The following ZFYVE1 variants were observed in gnomAD, a reference collection of about 807,000 sequenced individuals.
ZFYVE1 encodes the protein zinc finger FYVE-type containing 1.
A neutral mutation model predicts 74.4 loss-of-function variants in ZFYVE1; 30 were observed. That is an observed-to-expected ratio of 0.40 (90% CI 0.30 to 0.55). The LOEUF (loss-of-function observed/expected upper bound fraction) is 0.55. Ranked by LOEUF, ZFYVE1 falls within the 20% of genes least tolerant of loss-of-function variation. ZFYVE1 has a pLI of 0.42. For synonymous variants in ZFYVE1, 335 were observed against 385.1 expected (o/e 0.87, Z 1.52); for missense variants, 703 against 1,011.6 (o/e 0.69, Z 4.14).
rs954707998 is a variant in ZFYVE1, at chr14:72,970,043, G to A, written c.*839C>T. ...TGAGGGGGCCGAGGGGTGGGAGGCA[G>A]ATGCTTCGATTGAGGAGCTGGGTGC... On this transcript the variant is annotated 3_prime_UTR_variant, in exon 12 of 12. Transcript: ENST00000556143. 1.0e-5 allele frequency: 4 copies of A among 381,272 alleles called. No homozygotes were observed. The highest frequency in any genetic ancestry group is 2.1e-5 in the African/African-American group (1 of 48,136). 23.6% of individuals were successfully genotyped at this position (381,272 alleles called of 1,614,324 possible).
chr14:73,027,010 C>T lies in ZFYVE1; in HGVS notation c.-519G>A. 2.5e-6 allele frequency: 1 copy of T among 398,912 alleles called. No individual in the cohort carries two copies. The highest frequency in any genetic ancestry group is 3.6e-5 in the East Asian group (1 of 28,074). The allele number at this position is 398,912 out of a possible 1,614,324, so 24.7% of individuals were successfully genotyped here. A position where few individuals can be genotyped will look rare whatever the true frequency, so the allele number is the denominator to read the frequency against. ...CAGAGGCTATTCCTCAGGACACCGG[C>T]AGATCCATCCTCATCTCCATCTCCG... On this transcript the variant is annotated 5_prime_UTR_variant, in exon 1 of 12. Transcript: ENST00000556143.
At chr14:72,995,479 C>T (rs979621543) in intron 3 of ZFYVE1, among the ~76,000 whole-genome samples, 4 of 79,628 alleles carry the variant, frequency 5.0e-5, no homozygotes, top group Non-Finnish European at 9.6e-5. Flanking sequence ...GTGATCCTCC[C>T]GCCTCAATGT....
chr14:73,015,298 A>AAGGAAGGAAGGGAGGG (rs1894171008), intron 2 of ZFYVE1, among the ~76,000 whole-genome samples: 1 of 71,870 alleles, frequency 1.4e-5, no homozygotes, highest in Non-Finnish European at 2.6e-5. Flanking sequence ...GGAAGGAAAG[A>AAGGAAGGAAGGGAGGG]AGGGAGGGAG....
At chr14:73,019,845 G>A (rs1032035289) in intron 2 of ZFYVE1, among the ~76,000 whole-genome samples, 1 of 152,012 alleles carries the variant, frequency 6.6e-6, no homozygotes, top group Non-Finnish European at 1.5e-5. Context: ...CAGCTACTCG[G>A]GAGGCTGACG....
intron 4 of ZFYVE1, among the ~76,000 whole-genome samples, chr14:72,982,266 G>A (rs1327029832): frequency 6.6e-6 from 1 of 152,070 alleles, no homozygotes; most frequent in East Asian, 1.9e-4. Flanking sequence ...TCCTCTTTAA[G>A]CCACAGGCAG....
intron 2 of ZFYVE1, among the ~76,000 whole-genome samples, chr14:73,004,393 C>T (rs559174276): frequency 2.0e-5 from 3 of 151,896 alleles, no homozygotes; most frequent in South Asian, 4.2e-4. Context: ...AAAGTGGGGA[C>T]GGGGGAACAT....
intron 2 of ZFYVE1, among the ~76,000 whole-genome samples, chr14:73,023,300 ATAT>A (rs1894370916): frequency 2.0e-5 from 2 of 102,262 alleles, no homozygotes; most frequent in Admixed American, 2.1e-4. Context: ...TATATAATAT[ATAT>A]TATATATGTT....
chr14:72,991,077 C>G (rs1177602710), intron 4 of ZFYVE1, among the ~76,000 whole-genome samples: 1 of 151,882 alleles, frequency 6.6e-6, no homozygotes, highest in African/African-American at 2.4e-5. Flanking sequence ...AACTATTTTT[C>G]TCAAAGCCAG....
At chr14:72,999,191 G>C (rs1893817154) in intron 2 of ZFYVE1, among the ~76,000 whole-genome samples, 1 of 152,014 alleles carries the variant, frequency 6.6e-6, no homozygotes, top group Admixed American at 6.6e-5. Context: ...CACTTTGTGA[G>C]GCCAAGGCAG....
At chr14:73,005,395 C>T (rs554281028) in intron 2 of ZFYVE1, among the ~76,000 whole-genome samples, 6 of 152,258 alleles carry the variant, frequency 3.9e-5, no homozygotes, top group South Asian at 4.1e-4. Context: ...GCCCTGAGCT[C>T]GGCCAACTGG....
At chr14:72,994,458 T>C (rs1893698751) in intron 3 of ZFYVE1, among the ~76,000 whole-genome samples, 1 of 151,900 alleles carries the variant, frequency 6.6e-6, no homozygotes, top group South Asian at 2.1e-4. Flanking sequence ...GGAGGGCTTC[T>C]ATGAGGAGGG....
chr14:72,997,905 G>A lies in ZFYVE1; in HGVS notation c.894C>T (p.Thr298=). 6.2e-7 allele frequency: 1 copy of A among 1,614,166 alleles called. No homozygotes were observed. Among genetic ancestry groups the A allele is most frequent in the Non-Finnish European group, 8.5e-7 (1 of 1,180,012 alleles). The change falls in exon 3 of 12, where the codon ACC becomes ACT. Residue 298 remains threonine, a synonymous_variant. Coordinates refer to ENST00000556143, the MANE Select transcript of ZFYVE1 (RefSeq NM_021260.4). ...LKHFTKELKA[T]TARCGLDVPL... ...GGACATCCAGGCCACAGCGAGCAGT[G>A]GTGGCCTTGAGCTCCTTGGTGAAGT...
In ZFYVE1 at chr14:72,974,760, C is replaced by T. The variant is rs770136019; in HGVS notation, c.1987+19G>A. On this transcript the variant is annotated intron_variant, in intron 10 of 11. Coordinates refer to ENST00000556143, the MANE Select transcript of ZFYVE1 (RefSeq NM_021260.4). Reference sequence around the variant, plus strand: ...GAGGTTCTCCCCTCCACCCCTGCAGCTCCCAGGTCCCACGTTACCTAACTG... The same window carrying T: ...GAGGTTCTCCCCTCCACCCCTGCAGTTCCCAGGTCCCACGTTACCTAACTG... 1.3e-6 allele frequency: 2 copies of T among 1,583,946 alleles called. No individual in the cohort carries two copies. The highest frequency in any genetic ancestry group is 8.6e-7 in the Non-Finnish European group (1 of 1,158,402).
At chr14:72,994,321 T>TTAAAAAAAA (rs1189191352) in intron 3 of ZFYVE1, among the ~76,000 whole-genome samples, 1 of 23,094 alleles carries the variant, frequency 4.3e-5, no homozygotes, top group African/African-American at 1.4e-4. Flanking sequence ...AGACGCTGTC[T>TTAAAAAAAA]CAAAAAAAAA....
chr14:72,979,442 G>A (rs1370463910), intron 5 of ZFYVE1, among the ~76,000 whole-genome samples: 1 of 151,888 alleles, frequency 6.6e-6, no homozygotes, highest in Non-Finnish European at 1.5e-5. Context: ...GGAGGTTGCA[G>A]TGAGTTCAAG....
chr14:73,022,656 T>C (rs1894340704), intron 2 of ZFYVE1, among the ~76,000 whole-genome samples: 2 of 152,218 alleles, frequency 1.3e-5, no homozygotes, highest in Admixed American at 6.5e-5. Context: ...AGTATGTGAA[T>C]TCAAGCAAAC....
chr14:73,012,266 A>C (rs992766184), intron 2 of ZFYVE1, among the ~76,000 whole-genome samples: 4 of 151,988 alleles, frequency 2.6e-5, no homozygotes, highest in African/African-American at 9.7e-5. Context: ...ATTATAGTGC[A>C]CCCAATGACC....
At chr14:73,004,993 CAAAA>C (rs34755612) in intron 2 of ZFYVE1, among the ~76,000 whole-genome samples, 3 of 116,764 alleles carry the variant, frequency 2.6e-5, no homozygotes, top group African/African-American at 3.1e-5. Context: ...GACCCCGTCT[CAAAA>C]AAAAAAAAAA....
At chr14:72,989,802 GA>G (rs1172129845) in intron 4 of ZFYVE1, among the ~76,000 whole-genome samples, 2 of 140,022 alleles carry the variant, frequency 1.4e-5, no homozygotes, top group Admixed American at 7.1e-5. Context: ...TGTCTCAAAA[GA>G]AAAAAAAAGA....
Sources: gnomAD v4.1 joint callset for allele counts (sites outside exome capture counted in the v4.1 genomes callset) on GRCh38, gnomAD v4.1.1 for gene constraint, MANE v1.5 for transcripts, NCBI Gene and HGNC (gene_info 2026-07-23, HGNC 2026-07-21) for gene names.